Variants in EXTL3 observed in about 807,000 individuals in gnomAD.
EXTL3 encodes the protein exostosin like glycosyltransferase 3, also known as exostosin-like 3.
In EXTL3, 27 loss-of-function variants were observed where a neutral mutation model predicts 69.3. The observed-to-expected ratio is 0.39, with a 90% CI of 0.29 to 0.54. The LOEUF (loss-of-function observed/expected upper bound fraction) is 0.54. Ranked by LOEUF, EXTL3 falls within the 20% of genes least tolerant of loss-of-function variation. The pLI is 0.69. For missense variants in EXTL3, 1,003 were observed against 1,231.8 expected, an observed-to-expected ratio of 0.81 and a Z score of 2.78; for synonymous variants, 511 against 499.4, an observed-to-expected ratio of 1.02 and a Z score of -0.31.
chr8:28,715,274 T>C (rs1241042236), intron 2 of EXTL3, among the ~76,000 whole-genome samples: 1 of 152,186 alleles, frequency 6.6e-6, no homozygotes, highest in East Asian at 1.9e-4. Flanking sequence ...CATGGACATC[T>C]TTGTCCCATG....
At chr8:28,647,554 C>T (rs1039138615) in intron 1 of EXTL3, among the ~76,000 whole-genome samples, 4 of 152,058 alleles carry the variant, frequency 2.6e-5, no homozygotes, top group Admixed American at 1.3e-4. Flanking sequence ...AGGAGACAAG[C>T]CAGTGGAGCA....
rs1801074707 is a variant in EXTL3 at position 28,713,526 on chromosome 8, G to A, written c.-500G>A. ...GAGGTGTAATGCTACACAAGTCAGA[G>A]GAAGGAAGGGTCCTGAAACACATGG... On this transcript the variant is annotated 5_prime_UTR_variant, in exon 2 of 7. Coordinates refer to ENST00000220562, the MANE Select transcript of EXTL3 (RefSeq NM_001440.4). 6 of 702,240 alleles carry A rather than the reference G, an allele frequency of 8.5e-6. No homozygotes were observed. The highest frequency in any genetic ancestry group is 1.6e-5 in the Non-Finnish European group (6 of 384,932). 43.5% of individuals were successfully genotyped at this position (702,240 alleles called of 1,614,324 possible).
intron 1 of EXTL3, among the ~76,000 whole-genome samples, chr8:28,687,664 C>A (rs1409404372): frequency 6.6e-6 from 1 of 152,108 alleles, no homozygotes; most frequent in African/African-American, 2.4e-5. Flanking sequence ...CTGCTGAAGT[C>A]TTAGAAGTGT....
chr8:28,617,695 A>C (rs1362053566), intron 2 of EXTL3, among the ~76,000 whole-genome samples: 1 of 152,158 alleles, frequency 6.6e-6, no homozygotes, highest in Non-Finnish European at 1.5e-5. Context: ...CAGGTGGGAG[A>C]ATCACTTAAG....
chr8:28,740,069 A>G (rs1305345813), intron 5 of EXTL3: 6 of 152,254 alleles, frequency 3.9e-5, no homozygotes, highest in Non-Finnish European at 2.9e-5. Context: ...GTTGGCTTAC[A>G]GAGAGATTTT....
At position 28,718,221 on chromosome 8, in the gene EXTL3, G is replaced by A. The variant is rs760259571; in HGVS notation, c.2148+14G>A. ...GTCCCCATCATGGTAATAGAGAAAC[G>A]AACAGTTCGTTTTGGTGCATGAAAT... On this transcript the variant is annotated intron_variant, in intron 3 of 6. Transcript: ENST00000220562. 44 of 1,612,094 alleles carry A rather than the reference G, an allele frequency of 2.7e-5. No individual in the cohort carries two copies. Among genetic ancestry groups the A allele is most frequent in the East Asian group, 1.6e-4 (7 of 44,888 alleles).
chr8:28,675,274 A>T (rs541498938), intron 1 of EXTL3, among the ~76,000 whole-genome samples: 1 of 152,302 alleles, frequency 6.6e-6, no homozygotes, highest in South Asian at 2.1e-4. Flanking sequence ...TCCAAAATGT[A>T]TAAATAACTA....
intron 1 of EXTL3, among the ~76,000 whole-genome samples, chr8:28,628,374 G>T (rs1585220731): frequency 6.6e-6 from 1 of 151,674 alleles, no homozygotes; most frequent in African/African-American, 2.4e-5. Context: ...AAAATAAAAA[G>T]AAATGGTTAA....
At position 28,711,310 on chromosome 8, in the gene EXTL3, G is replaced by A. The variant is rs1035318050; in HGVS notation, c.-569-2147G>A. ...TTTTCTCTTCTGCTTTTCTGTTTTC[G>A]ATTTCGTTGATTTCTGCTCTTTAGG... On this transcript the variant is annotated intron_variant, in intron 1 of 6. Transcript: ENST00000220562. Among the ~76,000 whole-genome samples, 7 of 151,874 alleles carry A rather than the reference G, an allele frequency of 4.6e-5. No individual in the cohort carries two copies. In the East Asian group the frequency reaches 9.6e-4, roughly 21 times the overall value.
intron 1 of EXTL3, among the ~76,000 whole-genome samples, chr8:28,677,447 T>C (rs1807406317): frequency 6.6e-6 from 1 of 152,184 alleles, no homozygotes; most frequent in Non-Finnish European, 1.5e-5. Flanking sequence ...TCGCTACAGA[T>C]GACTGAACAG....
chr8:28,743,120 A>G lies in EXTL3; in HGVS notation c.2456A>G (p.Gln819Arg). The change falls in exon 6 of 7, where the codon CAG (glutamine) becomes CGG (arginine). Residue 819 changes from glutamine to arginine, a missense_variant. Transcript: ENST00000220562. Reference protein sequence around the residue: ...YAYLYSYVMPQAIRDMVDEYI... With the variant: ...YAYLYSYVMPRAIRDMVDEYI... ...TACCTGTATTCTTATGTGATGCCCC[A>G]GGCCATCCGGGACATGGTGGATGAA... 1 of 1,614,104 alleles carries G rather than the reference A, an allele frequency of 6.2e-7. No homozygotes were observed. Among genetic ancestry groups the G allele is most frequent in the Admixed American group, 1.7e-5 (1 of 60,030 alleles).
intron 1 of EXTL3, among the ~76,000 whole-genome samples, chr8:28,682,219 T>A (rs1325821708): frequency 6.6e-6 from 1 of 152,228 alleles, no homozygotes; most frequent in Non-Finnish European, 1.5e-5. Context: ...TTTTTGTATA[T>A]GTATATACTT....
At chr8:28,693,236 G>A (rs993968973) in intron 1 of EXTL3, among the ~76,000 whole-genome samples, 3 of 146,006 alleles carry the variant, frequency 2.1e-5, no homozygotes, top group Non-Finnish European at 4.5e-5. Flanking sequence ...AGCACCCTCC[G>A]CCTCCCAGGT....
At chr8:28,678,550 C>A (rs1280697554) in intron 1 of EXTL3, among the ~76,000 whole-genome samples, 9 of 152,188 alleles carry the variant, frequency 5.9e-5, no homozygotes, top group Non-Finnish European at 1.5e-5. Flanking sequence ...CACACGCTGG[C>A]TCCCCTTCAA....
Position 28,716,651 on chromosome 8 carries a change from G to A in EXTL3, c.592G>A (p.Val198Ile), listed in dbSNP as rs368473155. The stretch of plus-strand genomic sequence containing the variant: ...TCTCACCTCTGGCTTCCCGGTCTAC[G>A]TCTATGACAGTGACCAGTTTGTCTT... Reference protein sequence around the residue: ...CPLTSGFPVYVYDSDQFVFGS... With the variant: ...CPLTSGFPVYIYDSDQFVFGS... The change falls in exon 3 of 7, where the codon GTC becomes ATC. Residue 198 changes from valine to isoleucine, a missense_variant. By Grantham distance (29) the Val-to-Ile change is conservative (BLOSUM62 3). Around this residue, in one of 2 missense-constraint regions of EXTL3, gnomAD observed 742 missense variants for 815.4 expected, o/e 0.91. Transcript: ENST00000220562. The surrounding 1 kb of genome is among the most constrained non-coding windows in gnomAD (Gnocchi z 7.1). The A allele has an allele frequency of 9.4e-5, 151 of 1,614,110 alleles. 2 individuals carry two copies. In the South Asian group the frequency reaches 1.1e-3, roughly 12 times the overall value.
At position 28,661,725 on chromosome 8, in the gene EXTL3, C is replaced by CA. The variant is rs1005666014; in HGVS notation, c.-53+38925dup. On this transcript the variant is annotated intron_variant, in intron 1 of 6. Coordinates refer to the EXTL3 transcript ENST00000523149. The stretch of plus-strand genomic sequence containing the variant: ...TGAAACCCCGCCTCTACTAAAAATA[C>CA]AAAAAAAAAATTAGCTGGTTGTGGT... Among the ~76,000 whole-genome samples, 409 of 147,064 alleles carry CA rather than the reference C, an allele frequency of 2.8e-3. 4 individuals carry two copies. The highest frequency in any genetic ancestry group is 0.023 in the South Asian group (106 of 4,664).
rs1802049644 is a variant in EXTL3, at chr8:28,753,316, G to A, written c.*2450G>A. On this transcript the variant is annotated 3_prime_UTR_variant, in exon 7 of 7. Coordinates refer to ENST00000220562, the MANE Select transcript of EXTL3 (RefSeq NM_001440.4). ...CCTTGGCTGTCTGTGGGCCGCCCCT[G>A]GCCACCTTGTCCTGGCTCGCAGGGT... The A allele has an allele frequency of 6.6e-6, 1 of 152,270 alleles. No homozygotes were observed. Among genetic ancestry groups the A allele is most frequent in the South Asian group, 2.1e-4 (1 of 4,834 alleles). The allele number at this position is 152,270 out of a possible 1,614,324, so 9.4% of individuals were successfully genotyped here.
At chr8:28,677,736 G>A (rs1201098904) in intron 1 of EXTL3, among the ~76,000 whole-genome samples, 7 of 149,998 alleles carry the variant, frequency 4.7e-5, no homozygotes, top group Non-Finnish European at 5.9e-5. Flanking sequence ...GTTCTGTTAC[G>A]AAAAAAAAAC....
At chr8:28,667,827 A>G (rs932063846) in intron 1 of EXTL3, among the ~76,000 whole-genome samples, 8 of 151,810 alleles carry the variant, frequency 5.3e-5, no homozygotes, top group Non-Finnish European at 8.8e-5. Context: ...AAACCTGCAC[A>G]TTGTGCACAT....
Sources: allele counts gnomAD v4.1 joint callset (sites outside exome capture counted in the v4.1 genomes callset), GRCh38; gene constraint gnomAD v4.1.1; regional missense constraint gnomAD v4.1.1; non-coding constraint Gnocchi (gnomAD v3.1); transcripts MANE v1.5; gene names NCBI Gene and HGNC (gene_info 2026-07-23, HGNC 2026-07-21).